EEPD1: variants seen among roughly 807,000 people sequenced by gnomAD.
EEPD1 encodes endonuclease/exonuclease/phosphatase family domain-containing protein 1.
EEPD1 carries 17 observed loss-of-function variants against 46.3 expected under a neutral mutation model. That is an observed-to-expected ratio of 0.37 (90% confidence interval 0.25 to 0.55). The LOEUF (loss-of-function observed/expected upper bound fraction) is 0.55, where lower values mean the gene tolerates loss of function less well. Ranked by LOEUF, EEPD1 falls within the 20% of genes least tolerant of loss-of-function variation. The probability of loss-of-function intolerance (pLI) is 0.83; values close to 1 mark genes in which losing one functional copy is unlikely to be tolerated. For synonymous variants in EEPD1, 313 were observed against 315.6 expected (o/e 0.99, Z 0.09); for missense variants, 673 against 745.6 (o/e 0.90, Z 1.13).
At chr7:36,246,982 C>T (rs956856533) in intron 3 of EEPD1, among the ~76,000 whole-genome samples, 3 of 151,970 alleles carry the variant, frequency 2.0e-5, no homozygotes, top group Admixed American at 1.3e-4. Flanking sequence ...AAAAATTAGC[C>T]AGGCGTGGTG....
intron 4 of EEPD1, among the ~76,000 whole-genome samples, chr7:36,282,278 C>G (rs1045588108): frequency 5.3e-5 from 8 of 152,244 alleles, no homozygotes; most frequent in Admixed American, 2.6e-4. Context: ...CTGAGCTTCA[C>G]AAGCCTTTTA....
chr7:36,276,953 C>T (rs1187403223), intron 3 of EEPD1, among the ~76,000 whole-genome samples: 1 of 152,248 alleles, frequency 6.6e-6, no homozygotes, highest in East Asian at 1.9e-4. Flanking sequence ...TTCCCTCTTC[C>T]ATTTTGACCT....
chr7:36,246,765 G>A (rs769828677), intron 3 of EEPD1, among the ~76,000 whole-genome samples: 7 of 152,106 alleles, frequency 4.6e-5, no homozygotes, highest in Non-Finnish European at 1.0e-4. Context: ...AGACCTCTAA[G>A]ATGTCTTAGA....
chr7:36,162,988 A>G (rs1191116386), intron 2 of EEPD1, among the ~76,000 whole-genome samples: 3 of 152,228 alleles, frequency 2.0e-5, no homozygotes, highest in African/African-American at 7.2e-5. Context: ...AGCTTATGCT[A>G]AAAGTGGGAG....
chr7:36,206,360 TA>T (rs1583808503), intron 2 of EEPD1, among the ~76,000 whole-genome samples: 2 of 152,184 alleles, frequency 1.3e-5, no homozygotes, highest in East Asian at 3.8e-4. Context: ...TTATTTAATC[TA>T]GTATATCTAA....
At chr7:36,267,097 T>C (rs1410533078) in intron 3 of EEPD1, among the ~76,000 whole-genome samples, 1 of 152,222 alleles carries the variant, frequency 6.6e-6, no homozygotes, top group African/African-American at 2.4e-5. Context: ...CATTATCTCC[T>C]AATTATCTCT....
At chr7:36,211,954 T>C (rs1040789166) in intron 2 of EEPD1, among the ~76,000 whole-genome samples, 3 of 151,920 alleles carry the variant, frequency 2.0e-5, no homozygotes, top group Non-Finnish European at 4.4e-5. Flanking sequence ...AACTTTTGTG[T>C]ATCACAAGCA....
chr7:36,228,762 T>C (rs1786271517), intron 2 of EEPD1: 1 of 152,182 alleles, frequency 6.6e-6, no homozygotes, highest in Non-Finnish European at 1.5e-5. Context: ...CTAGTTTTTG[T>C]CATGTGAGGA....
rs142908802 is a variant in EEPD1, at chr7:36,249,082, C to G, written c.930+10046C>G. Among the ~76,000 whole-genome samples, 307 of 151,136 alleles carry G rather than the reference C, an allele frequency of 2.0e-3. 1 individual carries two copies. Among genetic ancestry groups the G allele is most frequent in the South Asian group, 3.4e-3 (16 of 4,752 alleles). On this transcript the variant is annotated intron_variant, in intron 3 of 7. Coordinates refer to ENST00000242108, the MANE Select transcript of EEPD1 (RefSeq NM_030636.3). ...ATCATCACAAGATATCAGGTATATT[C>G]AGGGGCTCTCACTACCTTTTTCTTT... is the stretch of plus-strand genomic sequence containing the variant.
chr7:36,197,185 C>T (rs1785616026), intron 2 of EEPD1, among the ~76,000 whole-genome samples: 2 of 151,904 alleles, frequency 1.3e-5, no homozygotes, highest in South Asian at 4.2e-4. Context: ...GCTGCCACCC[C>T]GTCTGGGAAG....
intron 2 of EEPD1, among the ~76,000 whole-genome samples, chr7:36,192,948 C>A (rs2115682084): frequency 6.6e-6 from 1 of 152,300 alleles, no homozygotes; most frequent in South Asian, 2.1e-4. Flanking sequence ...GCAGGGCATC[C>A]CTTCTCTGTC....
At position 36,298,798 on chromosome 7, in the gene EEPD1, A is replaced by AGTG. The variant is rs1253238967; in HGVS notation, c.1511-208_1511-207insTGG. On this transcript the variant is annotated intron_variant, in intron 7 of 7. Coordinates refer to ENST00000242108, the MANE Select transcript of EEPD1 (RefSeq NM_030636.3). ...CTGGGTGTTTTCACTGCCTAAATGC[A>AGTG]GAAACTCTCCTTTATGTGGAAAATC... Among the ~76,000 whole-genome samples, 3 of 152,352 alleles carry AGTG rather than the reference A, an allele frequency of 2.0e-5. No homozygotes were observed. In the East Asian group the frequency reaches 5.8e-4, roughly 29 times the overall value.
intron 2 of EEPD1, among the ~76,000 whole-genome samples, chr7:36,191,794 T>G (rs1362721137): frequency 2.0e-5 from 3 of 152,206 alleles, no homozygotes; most frequent in African/African-American, 7.2e-5. Flanking sequence ...TGCTGTCTGA[T>G]CGGACATGTT....
intron 5 of EEPD1, 123 bp downstream of exon 5, chr7:36,284,943 C>A: frequency 7.7e-7 from 1 of 1,298,708 alleles, no homozygotes; most frequent in Non-Finnish European, 1.0e-6. Flanking sequence ...TTCAGCCTCT[C>A]ATGATTGGAG....
At chr7:36,230,558 C>T (rs773469438) in intron 2 of EEPD1, among the ~76,000 whole-genome samples, 4 of 152,182 alleles carry the variant, frequency 2.6e-5, no homozygotes, top group Non-Finnish European at 5.9e-5. Context: ...CTTGCCGTTC[C>T]TGCCACCCTA....
chr7:36,283,964 T>C (rs938541696), intron 4 of EEPD1, among the ~76,000 whole-genome samples: 1 of 152,178 alleles, frequency 6.6e-6, no homozygotes, highest in African/African-American at 2.4e-5. Context: ...AGGAGAAGTG[T>C]GTCTTCTTCC....
chr7:36,273,129 TACACACACACACACAC>T (rs10578694), intron 3 of EEPD1, among the ~76,000 whole-genome samples: 180 of 148,546 alleles, frequency 1.2e-3, no homozygotes, highest in African/African-American at 4.2e-3. Flanking sequence ...GGTGCATGCT[TACACACACACACACAC>T]ACACACACAC....
chr7:36,219,792 A>T (rs1419360494), intron 2 of EEPD1, among the ~76,000 whole-genome samples: 12 of 92,302 alleles, frequency 1.3e-4, no homozygotes, highest in South Asian at 4.8e-4. Flanking sequence ...AGAGAGAGAG[A>T]GAGAGAGAGA....
intron 2 of EEPD1, among the ~76,000 whole-genome samples, chr7:36,205,868 C>T (rs1785806742): frequency 6.6e-6 from 1 of 152,022 alleles, no homozygotes; most frequent in Admixed American, 6.6e-5. Flanking sequence ...CAGACAAAAC[C>T]CCATAGAAAC....
Sources: gnomAD v4.1 joint callset for allele counts (sites outside exome capture counted in the v4.1 genomes callset) on GRCh38, gnomAD v4.1.1 for gene constraint, MANE v1.5 for transcripts, NCBI Gene and HGNC (gene_info 2026-07-23, HGNC 2026-07-21) for gene names.